ZNF77: variants seen among roughly 807,000 people sequenced by gnomAD.
ZNF77 encodes the protein ZNFpT1.
In ZNF77, 15 loss-of-function variants were observed where a neutral mutation model predicts 13.5. The ratio of observed to expected loss-of-function variants is 1.11; its 90% CI spans 0.74 to 1.71. ZNF77 has a LOEUF of 1.71. Among genes scored for constraint, ZNF77 ranks in the 40% most tolerant of loss-of-function variants. ZNF77 has a pLI of 0.00. For synonymous variants in ZNF77, 282 were observed against 250.0 expected, an observed-to-expected ratio of 1.13 and a Z score of -1.21; for missense variants, 717 against 676.4, an observed-to-expected ratio of 1.06 and a Z score of -0.67.
chr19:2,933,868 G>A lies in ZNF77; in HGVS notation c.1259C>T (p.Ser420Phe). Residue 420 changes from serine (S) to phenylalanine (F), a missense_variant, in exon 4 of 4, where the codon TCC becomes TTC. By Grantham distance (155) the Ser-to-Phe change is radical. Transcript: ENST00000314531. ...CKECGKAYSF[S>F]SSLRIHVRTH... ...CCTCACGTGGATTCGAAGGGAGGAG[G>A]AAAAACTGTAGGCTTTCCCACACTC... 6.2e-7 allele frequency: 1 copy of A among 1,610,816 alleles called. No homozygotes were observed. Among genetic ancestry groups the A allele is most frequent in the Non-Finnish European group, 8.5e-7 (1 of 1,179,046 alleles).
intron 1 of ZNF77, among the ~76,000 whole-genome samples, chr19:2,943,692 A>ATTTTTTTTTTTTTTTTTTT (rs10633206): frequency 7.8e-4 from 60 of 76,754 alleles, no homozygotes; most frequent in African/African-American, 1.4e-3. Flanking sequence ...TCTAGCCAGG[A>ATTTTTTTTTTTTTTTTTTT]TTTTTTTTTT....
chr19:2,941,186 A>AG (rs2088445771), intron 1 of ZNF77, among the ~76,000 whole-genome samples: 1 of 151,238 alleles, frequency 6.6e-6, no homozygotes, highest in Non-Finnish European at 1.5e-5. Flanking sequence ...AAAAAAAAAA[A>AG]AAAAAAAAAG....
At position 2,933,332 on chromosome 19, in the gene ZNF77, A is replaced by T; in HGVS notation, c.*157T>A. 1 of 798,902 alleles carries T rather than the reference A, an allele frequency of 1.3e-6. No homozygotes were observed. The highest frequency in any genetic ancestry group is 1.9e-6 in the Non-Finnish European group (1 of 530,462). The allele number at this position is 798,902 out of a possible 1,614,324, so 49.5% of individuals were successfully genotyped here. A position where few individuals can be genotyped will look rare whatever the true frequency, so the allele number is the denominator to read the frequency against. On this transcript the variant is annotated 3_prime_UTR_variant, in exon 4 of 4. Coordinates refer to ENST00000314531, the MANE Select transcript of ZNF77 (RefSeq NM_021217.3). The stretch of plus-strand genomic sequence containing the variant: ...AGGCATGTAAAGGCAATACCATATT[A>T]ATCATAATTAAGAGATTTCTCTCCT...
chr19:2,934,828 G>A lies in ZNF77; in HGVS notation c.312-13C>T, dbSNP rs1307002961. 1.9e-6 allele frequency: 3 copies of A among 1,590,582 alleles called. No individual in the cohort carries two copies. Among genetic ancestry groups the A allele is most frequent in the Admixed American group, 1.7e-5 (1 of 57,528 alleles). On this transcript the variant is annotated splice_polypyrimidine_tract_variant and intron_variant, in intron 3 of 3. Coordinates refer to ENST00000314531, the MANE Select transcript of ZNF77 (RefSeq NM_021217.3). ...CCCCAGCTGACTTCTGTTCAAAATG[G>A]GAAGCAAGCTACTAGTCATGAATGA...
intron 1 of ZNF77, chr19:2,939,610 T>A: frequency 1.6e-6 from 1 of 611,528 alleles, no homozygotes; most frequent in Non-Finnish European, 2.8e-6. Context: ...TGACGGCCTC[T>A]GCCAGAGACT....
intron 3 of ZNF77, among the ~76,000 whole-genome samples, chr19:2,935,366 G>A (rs1299126567): frequency 7.3e-6 from 1 of 137,652 alleles, no homozygotes; most frequent in Non-Finnish European, 1.5e-5. Flanking sequence ...TGCCCAGGCT[G>A]GAGTGCAATG....
intron 2 of ZNF77, among the ~76,000 whole-genome samples, chr19:2,937,631 G>A (rs868700389): frequency 2.0e-5 from 3 of 152,108 alleles, no homozygotes; most frequent in Non-Finnish European, 2.9e-5. Flanking sequence ...CCTCGTATAC[G>A]AGGAAATCCA....
Position 2,936,622 on chromosome 19 carries a change from A to T in ZNF77, c.213T>A (p.Ile71=). ...AGGAATCACTTCCTGTGAACTTTACAATCTCTTCATCATTGGATATTCCAT... is the reference window on the plus strand; with the variant it reads ...AGGAATCACTTCCTGTGAACTTTACTATCTCTTCATCATTGGATATTCCAT... The part of the protein sequence containing the change: ...FGNGISNDEE[I]VKFTGSDSWS... The change falls in exon 3 of 4, where the codon ATT becomes ATA. Residue 71 remains isoleucine, a synonymous_variant. Transcript: ENST00000314531. 2 of 1,611,810 alleles carry T rather than the reference A, an allele frequency of 1.2e-6. No individual in the cohort carries two copies. The highest frequency in any genetic ancestry group is 1.7e-6 in the Non-Finnish European group (2 of 1,179,416).
At chr19:2,938,781 C>T (rs992583968) in intron 2 of ZNF77, among the ~76,000 whole-genome samples, 1 of 151,964 alleles carries the variant, frequency 6.6e-6, no homozygotes, top group Non-Finnish European at 1.5e-5. Flanking sequence ...ACGGTGAAAC[C>T]CCATCTCTAC....
At chr19:2,941,767 C>A (rs1004876542) in intron 1 of ZNF77, among the ~76,000 whole-genome samples, 1 of 152,184 alleles carries the variant, frequency 6.6e-6, no homozygotes, top group African/African-American at 2.4e-5. Flanking sequence ...TGCGCAGATA[C>A]TAACAGGAGA....
Position 2,934,471 on chromosome 19 carries a change from T to C in ZNF77, c.656A>G (p.Lys219Arg). ...GAAAGATGAGGGACAAATGAAAGCT[T>C]TTCCACATTTCTGACATTCATAAGA... ...KKSYECQKCG[K>R]AFICPSSFRG... The change falls in exon 4 of 4, where the codon AAA (lysine) becomes AGA (arginine). Residue 219 changes from lysine (K) to arginine (R), a missense_variant. Physicochemically the swap from Lys to Arg is conservative, Grantham distance 26 (BLOSUM62 2). Transcript: ENST00000314531. 1 of 1,614,190 alleles carries C rather than the reference T, an allele frequency of 6.2e-7. No homozygotes were observed.
chr19:2,943,653 G>A (rs1465421608), intron 1 of ZNF77, among the ~76,000 whole-genome samples: 1 of 149,422 alleles, frequency 6.7e-6, no homozygotes, highest in African/African-American at 2.5e-5. Flanking sequence ...TCGGAGGCTG[G>A]GGCTTATCCC....
At chr19:2,936,381 T>A in intron 3 of ZNF77, 143 bp downstream of exon 3, 1 of 803,834 alleles carries the variant, frequency 1.2e-6, no homozygotes. Context: ...ACTACTAACC[T>A]CAGGTGATCC....
intron 2 of ZNF77, among the ~76,000 whole-genome samples, chr19:2,938,213 C>T (rs1218731575): frequency 6.6e-6 from 1 of 152,204 alleles, no homozygotes; most frequent in African/African-American, 2.4e-5. Context: ...GTGAGCACCA[C>T]CCATTCCTGG....
At chr19:2,943,015 C>A (rs2088463713) in intron 1 of ZNF77, among the ~76,000 whole-genome samples, 1 of 152,110 alleles carries the variant, frequency 6.6e-6, no homozygotes, top group South Asian at 2.1e-4. Context: ...CTCCTGACCT[C>A]AGGTGATCCA....
chr19:2,939,079 G>A (rs560029540), intron 2 of ZNF77, among the ~76,000 whole-genome samples: 1 of 132,920 alleles, frequency 7.5e-6, no homozygotes. Flanking sequence ...ACCCAAGGAG[G>A]CAGTGAGGGA....
At chr19:2,938,860 G>C (rs927405438) in intron 2 of ZNF77, among the ~76,000 whole-genome samples, 6 of 152,058 alleles carry the variant, frequency 3.9e-5, no homozygotes, top group Non-Finnish European at 8.8e-5. Flanking sequence ...GGAGGCTGAG[G>C]CAGGAGAATG....
At chr19:2,941,777 A>G (rs1457786202) in intron 1 of ZNF77, among the ~76,000 whole-genome samples, 1 of 152,174 alleles carries the variant, frequency 6.6e-6, no homozygotes, top group Non-Finnish European at 1.5e-5. Context: ...CTAACAGGAG[A>G]CGGAGCAGGG....
In ZNF77 at chr19:2,944,718, G is replaced by A; in HGVS notation, c.3+120C>T. ...GTGACCACGTCCCCGGGGCCCAGGC[G>A]CTCGTCGTGCGCCGCCCCGCGCGTC... On this transcript the variant is annotated intron_variant, in intron 1 of 3. Coordinates refer to ENST00000314531, the MANE Select transcript of ZNF77 (RefSeq NM_021217.3). 9 of 1,347,092 alleles carry A rather than the reference G, an allele frequency of 6.7e-6. No individual in the cohort carries two copies. The South Asian group carries it at 1.3e-4, about 19-fold the overall frequency. The allele number at this position is 1,347,092 out of a possible 1,614,324, so 83.4% of individuals were successfully genotyped here.
Sources: allele counts gnomAD v4.1 joint callset (sites outside exome capture counted in the v4.1 genomes callset), GRCh38; gene constraint gnomAD v4.1.1; transcripts MANE v1.5; gene names NCBI Gene and HGNC (gene_info 2026-07-23, HGNC 2026-07-21).